The following FGFR2 variants were observed in gnomAD, a reference collection of about 807,000 sequenced individuals.
FGFR2 encodes the protein BEK fibroblast growth factor receptor.
Under a neutral mutation model 95.9 loss-of-function variants are expected in FGFR2, and 19 were observed. That is an observed-to-expected ratio of 0.20 (90% CI 0.14 to 0.29). The LOEUF is 0.29. Among genes scored for constraint, FGFR2 ranks in the 10% least tolerant of loss-of-function variants. The pLI, the probability that FGFR2 is intolerant of heterozygous loss-of-function variation, is 1.00. For missense variants in FGFR2, 707 were observed against 1,056.9 expected, an observed-to-expected ratio of 0.67 and a Z score of 4.59; for synonymous variants, 392 against 393.3, an observed-to-expected ratio of 1.00 and a Z score of 0.04.
intron 13 of FGFR2, among the ~76,000 whole-genome samples, chr10:121,494,294 G>A (rs1846496752): frequency 6.6e-6 from 1 of 151,846 alleles, no homozygotes; most frequent in African/African-American, 2.4e-5. Flanking sequence ...TTCTCTTACT[G>A]TCACCCATGG....
At chr10:121,527,293 C>CAGGAG (rs1231307161) in intron 6 of FGFR2, among the ~76,000 whole-genome samples, 1 of 152,124 alleles carries the variant, frequency 6.6e-6, no homozygotes, top group Non-Finnish European at 1.5e-5. Context: ...GGGCGAATTA[C>CAGGAG]AGGAGTAGGG....
rs1852059664 is a variant in FGFR2, at chr10:121,531,380, CTGT to C, written c.748+7209_748+7211del. ...AACCAGCCTTTGCCCCCCGGGATCC[CTGT>C]TGTGAAACAGGAATGAAAAGCTGCT... On this transcript the variant is annotated intron_variant, in intron 6 of 17. Coordinates refer to ENST00000358487, the MANE Select transcript of FGFR2 (RefSeq NM_000141.5). The surrounding 1 kb of genome is among the most constrained non-coding windows in gnomAD (Gnocchi z 4.5). 1 of 152,172 alleles carries C rather than the reference CTGT, an allele frequency of 6.6e-6. No individual in the cohort carries two copies. Among genetic ancestry groups the C allele is most frequent in the Non-Finnish European group, 1.5e-5 (1 of 68,050 alleles). 9.4% of individuals were successfully genotyped at this position (152,172 alleles called of 1,614,324 possible).
chr10:121,536,288 A>G (rs1218434101), intron 6 of FGFR2, among the ~76,000 whole-genome samples: 2 of 152,186 alleles, frequency 1.3e-5, no homozygotes, highest in African/African-American at 2.4e-5. Flanking sequence ...TCACACTTCC[A>G]TCTTTACTGA....
intron 9 of FGFR2, among the ~76,000 whole-genome samples, chr10:121,513,292 A>G (rs1849293853): frequency 6.6e-6 from 1 of 152,208 alleles, no homozygotes; most frequent in Non-Finnish European, 1.5e-5. Context: ...TTAGTCCTCA[A>G]GGATCCATCC....
At chr10:121,594,411 C>G (rs1590133808) in intron 1 of FGFR2, among the ~76,000 whole-genome samples, 1 of 152,338 alleles carries the variant, frequency 6.6e-6, no homozygotes, top group South Asian at 2.1e-4. Context: ...CTTTAGAAAG[C>G]TAAACTGTTG....
chr10:121,522,615 TAAAA>T (rs1850720575), intron 6 of FGFR2, among the ~76,000 whole-genome samples: 1 of 152,056 alleles, frequency 6.6e-6, no homozygotes, highest in South Asian at 2.1e-4. Context: ...CTTGCAACAA[TAAAA>T]TGAAATAAAA....
rs771807547 is a variant in FGFR2, at chr10:121,483,770, C to G, written c.2229G>C (p.Val743=). 6.2e-7 allele frequency: 1 copy of G among 1,613,900 alleles called. No homozygotes were observed. The highest frequency in any genetic ancestry group is 1.1e-5 in the South Asian group (1 of 90,972). ...GCTTGAACGTTGGTCTCTGGGAGGG[C>G]ACTGCATGCCAACAGTCCCTCATCA... ...YMMMRDCWHA[V]PSQRPTFKQL... is the part of the protein sequence containing the mutation. The change falls in exon 17 of 18, where the codon GTG becomes GTC. Residue 743 remains valine (V), a synonymous_variant. Transcript: ENST00000358487.
At chr10:121,527,180 C>T (rs1005528057) in intron 6 of FGFR2, among the ~76,000 whole-genome samples, 1 of 152,234 alleles carries the variant, frequency 6.6e-6, no homozygotes, top group African/African-American at 2.4e-5. Flanking sequence ...ATTAATGTTA[C>T]AGGCTGTATT....
chr10:121,506,692 C>A (rs1011802056), intron 9 of FGFR2, among the ~76,000 whole-genome samples: 1 of 152,138 alleles, frequency 6.6e-6, no homozygotes, highest in Non-Finnish European at 1.5e-5. Flanking sequence ...AGGCAGCTGT[C>A]CCACAGCGAG....
At chr10:121,595,753 C>A (rs1178323199) in intron 1 of FGFR2, among the ~76,000 whole-genome samples, 1 of 152,216 alleles carries the variant, frequency 6.6e-6, no homozygotes, top group East Asian at 1.9e-4. Flanking sequence ...GGCTCCTTCC[C>A]CGGCCTGCTC....
intron 6 of FGFR2, among the ~76,000 whole-genome samples, chr10:121,525,201 C>A (rs1276675229): frequency 6.6e-6 from 1 of 152,120 alleles, no homozygotes; most frequent in African/African-American, 2.4e-5. Flanking sequence ...TGAGGTTCAG[C>A]AGGTTGCAAA....
intron 5 of FGFR2, among the ~76,000 whole-genome samples, chr10:121,548,281 G>GTTTTTTTTTTT (rs1854856584): frequency 1.9e-4 from 6 of 32,000 alleles, no homozygotes; most frequent in East Asian, 1.3e-3. Context: ...TTTTTTTTTG[G>GTTTTTTTTTTT]TAAAGCAAAA....
chr10:121,525,614 C>T (rs1851249467), intron 6 of FGFR2, among the ~76,000 whole-genome samples: 1 of 103,610 alleles, frequency 9.7e-6, no homozygotes, highest in South Asian at 4.8e-4. Context: ...TCCAAGAGGT[C>T]ATTATTGAGG....
chr10:121,546,185 TAAAA>T (rs35408469), intron 5 of FGFR2, among the ~76,000 whole-genome samples: 2 of 135,378 alleles, frequency 1.5e-5, no homozygotes, highest in African/African-American at 6.1e-5. Context: ...ACCTCTTTAT[TAAAA>T]AAAAAAAAAA....
intron 13 of FGFR2, among the ~76,000 whole-genome samples, chr10:121,496,134 C>T (rs992721024): frequency 1.3e-5 from 2 of 151,620 alleles, no homozygotes; most frequent in African/African-American, 2.4e-5. Flanking sequence ...ACACTAAACA[C>T]CTAAAGTCTA....
In FGFR2 at chr10:121,485,296, T is replaced by G; in HGVS notation, c.2195+99A>C. The G allele has an allele frequency of 6.5e-7, 1 of 1,540,588 alleles. No homozygotes were observed. The highest frequency in any genetic ancestry group is 9.0e-7 in the Non-Finnish European group (1 of 1,115,760). On this transcript the variant is annotated intron_variant, in intron 16 of 17. Transcript: ENST00000358487. This position sits in a 1 kb window ranked among gnomAD's most constrained non-coding sequence, Gnocchi z 4.2. ...TCAGCCATTCTTCTTAGAGCATGTT[T>G]AGGAAACCAGGGGCCTTCAAAAACG...
chr10:121,568,617 TA>T (rs1209954377), intron 2 of FGFR2, among the ~76,000 whole-genome samples: 6 of 150,534 alleles, frequency 4.0e-5, no homozygotes, highest in South Asian at 2.1e-4. Flanking sequence ...AAGACTCCAT[TA>T]GGGGGAAAAA....
At chr10:121,559,127 A>C (rs1273617707) in intron 4 of FGFR2, among the ~76,000 whole-genome samples, 1 of 151,490 alleles carries the variant, frequency 6.6e-6, no homozygotes, top group African/African-American at 2.4e-5. Context: ...AAAAAAAAAA[A>C]AAAAAACTCA....
At chr10:121,496,815 C>CA in intron 12 of FGFR2, 93 bp from the exon 13 acceptor site, 1 of 874,494 alleles carries the variant, frequency 1.1e-6, no homozygotes, top group East Asian at 2.6e-5. Context: ...ACAACCCATG[C>CA]TTTTTTTTTT....
Sources: allele counts gnomAD v4.1 joint callset (sites outside exome capture counted in the v4.1 genomes callset), GRCh38; gene constraint gnomAD v4.1.1; non-coding constraint Gnocchi (gnomAD v3.1); transcripts MANE v1.5; gene names NCBI Gene and HGNC (gene_info 2026-07-23, HGNC 2026-07-21).